TMEM232: variants seen among roughly 807,000 people sequenced by gnomAD.
TMEM232 encodes the protein transmembrane protein 232.
A neutral mutation model predicts 78.8 loss-of-function variants in TMEM232; 80 were observed. The ratio of observed to expected loss-of-function variants is 1.01; its 90% CI spans 0.85 to 1.22. The LOEUF is 1.22. TMEM232 is among the 50% of genes most tolerant of loss of function. The pLI is 0.00. For missense variants in TMEM232, 881 were observed against 742.2 expected (o/e 1.19, Z -2.17); for synonymous variants, 297 against 254.3 (o/e 1.17, Z -1.60).
rs1766964156 is a variant in TMEM232 at position 110,506,843 on chromosome 5, T to C, written c.1703+21745A>G. Among the ~76,000 whole-genome samples the C allele has an allele frequency of 4.6e-5, 7 of 152,306 alleles. No individual in the cohort carries two copies. The South Asian group carries it at 1.2e-3, about 27-fold the overall frequency. ...TAGTACTTTCATTTATTTAAGTATA[T>C]TATTTCCTAAATATGTAGTGTTCTG... On this transcript the variant is annotated intron_variant, in intron 12 of 13. Transcript: ENST00000455884.
intron 1 of TMEM232, among the ~76,000 whole-genome samples, chr5:110,670,096 A>G (rs1399945382): frequency 6.6e-6 from 1 of 152,040 alleles, no homozygotes; most frequent in Non-Finnish European, 1.5e-5. Flanking sequence ...CTCTCTCACC[A>G]CTCTTATTCA....
At chr5:110,504,990 G>A (rs1004391277) in intron 12 of TMEM232, among the ~76,000 whole-genome samples, 4 of 152,204 alleles carry the variant, frequency 2.6e-5, no homozygotes, top group African/African-American at 9.6e-5. Flanking sequence ...TAACAATGAA[G>A]TTAATTCTTA....
chr5:110,419,359 A>T (rs965037603), downstream of TMEM232, among the ~76,000 whole-genome samples: 1 of 152,158 alleles, frequency 6.6e-6, no homozygotes, highest in African/African-American at 2.4e-5. Context: ...CCTACAGGCA[A>T]CATTTTTCTG....
chr5:110,648,786 G>A (rs1371365790), intron 2 of TMEM232, among the ~76,000 whole-genome samples: 1 of 152,066 alleles, frequency 6.6e-6, no homozygotes, highest in Admixed American at 6.6e-5. Context: ...CTAAACGCAT[G>A]TTCTTTGCAG....
At chr5:110,636,241 T>A (rs937941102) in intron 5 of TMEM232, among the ~76,000 whole-genome samples, 1 of 151,800 alleles carries the variant, frequency 6.6e-6, no homozygotes, top group African/African-American at 2.4e-5. Flanking sequence ...CAGAATAATA[T>A]TATAGATATC....
intron 10 of TMEM232, among the ~76,000 whole-genome samples, chr5:110,571,387 A>G (rs956244896): frequency 2.0e-5 from 3 of 152,074 alleles, no homozygotes; most frequent in Non-Finnish European, 4.4e-5. Context: ...TTCAAGGACA[A>G]AACTGGGAAA....
chr5:110,661,814 A>G (rs192716031), intron 2 of TMEM232, among the ~76,000 whole-genome samples: 81 of 152,246 alleles, frequency 5.3e-4, no homozygotes, highest in African/African-American at 1.9e-3. Context: ...AGCATCCATT[A>G]CTGTCTTTCT....
chr5:110,651,404 T>C (rs1330680189), intron 2 of TMEM232, among the ~76,000 whole-genome samples: 2 of 143,066 alleles, frequency 1.4e-5, no homozygotes, highest in Non-Finnish European at 3.0e-5. Flanking sequence ...ACAAAAGACT[T>C]AGAAAAAGAA....
intron 2 of TMEM232, among the ~76,000 whole-genome samples, chr5:110,649,825 T>A (rs1030755399): frequency 6.6e-6 from 1 of 152,094 alleles, no homozygotes; most frequent in Admixed American, 6.6e-5. Flanking sequence ...AAAAAATCAA[T>A]GTATGGCAAT....
In TMEM232 at chr5:110,475,935, T is replaced by C. The variant is rs577620436; in HGVS notation, c.1704-51019A>G. ...GACATCAGGTAGAGTACTTAGATTT[T>C]TCCTCAGTAATGGGACAAAAGAATA... On this transcript the variant is annotated intron_variant, in intron 12 of 13. Coordinates refer to ENST00000455884, the MANE Select transcript of TMEM232 (RefSeq NM_001039763.4). Among the ~76,000 whole-genome samples, 13 of 152,132 alleles carry C rather than the reference T, an allele frequency of 8.5e-5. 1 individual carries two copies. In the South Asian group the frequency reaches 2.3e-3, roughly 27 times the overall value.
Position 110,625,364 on chromosome 5 carries a change from T to G in TMEM232, c.671A>C (p.Lys224Thr). 1 of 1,548,070 alleles carries G rather than the reference T, an allele frequency of 6.5e-7. No individual in the cohort carries two copies. The highest frequency in any genetic ancestry group is 8.7e-7 in the Non-Finnish European group (1 of 1,144,826). Reference sequence around the variant, plus strand: ...TCTTTTACCTATAATTTCCGAGGCTTTCAGGATGAATTGCACATTTGAAAA... The same window carrying G: ...TCTTTTACCTATAATTTCCGAGGCTGTCAGGATGAATTGCACATTTGAAAA... ...NIFSNVQFIL[K>T]ASEIIGKREL... is the part of the protein sequence containing the mutation. Residue 224 changes from lysine (K) to threonine (T), a missense_variant, in exon 7 of 14, where the codon AAA (lysine) becomes ACA (threonine). Transcript: ENST00000455884.
intron 1 of TMEM232, among the ~76,000 whole-genome samples, chr5:110,675,392 G>A (rs1054368573): frequency 1.3e-5 from 2 of 152,158 alleles, no homozygotes; most frequent in African/African-American, 4.8e-5. Context: ...TGCAATGGTA[G>A]GTAATCGCTT....
chr5:110,639,240 A>G (rs1786330064), intron 4 of TMEM232, among the ~76,000 whole-genome samples: 1 of 152,160 alleles, frequency 6.6e-6, no homozygotes, highest in Non-Finnish European at 1.5e-5. Context: ...AGGGTGGATT[A>G]CAGAATGAGG....
rs1581143319 is a variant in TMEM232, at chr5:110,540,194, T to A, written c.1456-11359A>T. Among the ~76,000 whole-genome samples, 3 of 152,202 alleles carry A rather than the reference T, an allele frequency of 2.0e-5. 1 individual carries two copies. On this transcript the variant is annotated intron_variant, in intron 11 of 13. Coordinates refer to ENST00000455884, the MANE Select transcript of TMEM232 (RefSeq NM_001039763.4). ...AGCTGTAGTAGTACTAGCCCAGAAA[T>A]TAGGATCAGAACACAGATCAACTGC...
chr5:110,733,318 C>T (rs928563604), intron 2 of TMEM232, among the ~76,000 whole-genome samples: 1 of 152,174 alleles, frequency 6.6e-6, no homozygotes, highest in Non-Finnish European at 1.5e-5. Context: ...AGAACTACCA[C>T]TTGACCCAGA....
At chr5:110,635,813 G>A (rs149279070) in intron 5 of TMEM232, among the ~76,000 whole-genome samples, 1,524 of 152,090 alleles carry the variant, frequency 0.01, 34 homozygotes, top group African/African-American at 0.034. Flanking sequence ...ATTGGTGGAA[G>A]TGTAAATTAG....
intron 11 of TMEM232, among the ~76,000 whole-genome samples, chr5:110,566,693 G>T (rs1017103883): frequency 6.6e-6 from 1 of 151,858 alleles, no homozygotes; most frequent in Non-Finnish European, 1.5e-5. Context: ...CACATCTCTA[G>T]AAGTTCCAAA....
intron 1 of TMEM232, among the ~76,000 whole-genome samples, chr5:110,685,135 A>T (rs1054313792): frequency 6.6e-5 from 10 of 152,184 alleles, no homozygotes; most frequent in Non-Finnish European, 1.2e-4. Context: ...AAAAAAAGAA[A>T]TAACAATGAA....
chr5:110,627,481 C>A (rs138443603), intron 6 of TMEM232, among the ~76,000 whole-genome samples: 200 of 152,014 alleles, frequency 1.3e-3, no homozygotes, highest in African/African-American at 4.7e-3. Flanking sequence ...GTCTAGTGAT[C>A]TATTTCACAA....
Sources: gnomAD v4.1 joint callset for allele counts (sites outside exome capture counted in the v4.1 genomes callset) on GRCh38, gnomAD v4.1.1 for gene constraint, MANE v1.5 for transcripts, NCBI Gene and HGNC (gene_info 2026-07-23, HGNC 2026-07-21) for gene names.